The following LINGO1 variants were observed in gnomAD, a reference collection of about 807,000 sequenced individuals.
LINGO1 encodes the protein leucine rich repeat and Ig domain containing 1, also known as leucine-rich repeat and immunoglobulin-like domain-containing nogo receptor-interacting protein 1.
A neutral mutation model predicts 37.3 loss-of-function variants in LINGO1; 11 were observed. That is an observed-to-expected ratio of 0.29 (90% CI 0.19 to 0.49). The LOEUF (loss-of-function observed/expected upper bound fraction) is 0.49, where lower values mean the gene tolerates loss of function less well. LINGO1 is among the 20% of genes least tolerant of loss of function. The pLI, the probability that LINGO1 is intolerant of heterozygous loss-of-function variation, is 0.99. For synonymous variants in LINGO1, 387 were observed against 403.0 expected (o/e 0.96, Z 0.48); for missense variants, 585 against 878.2 (o/e 0.67, Z 4.22).
chr15:77,686,882 A>C (rs556199185), intron 2 of LINGO1, among the ~76,000 whole-genome samples: 17 of 152,268 alleles, frequency 1.1e-4, no homozygotes, highest in Non-Finnish European at 2.2e-4. Flanking sequence ...TTGTGCCCCC[A>C]CTAGCCCTGT....
intron 1 of LINGO1, among the ~76,000 whole-genome samples, chr15:77,761,937 G>T (rs2076481565): frequency 1.3e-5 from 2 of 152,242 alleles, no homozygotes; most frequent in African/African-American, 2.4e-5. Flanking sequence ...GATGGAGTGA[G>T]GCCGGGATGT....
At chr15:77,699,743 C>CTAACTGTGATCT (rs56950589), upstream of LINGO1, among the ~76,000 whole-genome samples, 3 of 362 alleles carry the variant, frequency 8.3e-3, no homozygotes, top group Non-Finnish European at 0.013. Flanking sequence ...CTAACCATCA[C>CTAACTGTGATCT]CTGCACACAG....
intron 3 of LINGO1, among the ~76,000 whole-genome samples, chr15:77,657,141 G>T (rs2074883195): frequency 6.6e-6 from 1 of 152,216 alleles, no homozygotes; most frequent in Admixed American, 6.5e-5. Flanking sequence ...CTGGAGGGAT[G>T]GCAGCTGAGG....
At position 77,632,463 on chromosome 15, in the gene LINGO1, G is replaced by T; in HGVS notation, c.-148C>A. On this transcript the variant is annotated 5_prime_UTR_variant, in exon 1 of 2. Coordinates refer to ENST00000355300, the MANE Select transcript of LINGO1 (RefSeq NM_032808.7). The surrounding 1 kb of genome is among the most constrained non-coding windows in gnomAD (Gnocchi z 6.0). Reference sequence around the variant, plus strand: ...CCGGCAGTCCGCGCGCCCTCGCGGGGCTGGCTGTCCGTCTGTCCGCCCCGC... The same window carrying T: ...CCGGCAGTCCGCGCGCCCTCGCGGGTCTGGCTGTCCGTCTGTCCGCCCCGC... 1 of 845,390 alleles carries T rather than the reference G, an allele frequency of 1.2e-6. No homozygotes were observed. The highest frequency in any genetic ancestry group is 1.6e-6 in the Non-Finnish European group (1 of 639,088). The allele number at this position is 845,390 out of a possible 1,614,324, so 52.4% of individuals were successfully genotyped here. A position where few individuals can be genotyped will look rare whatever the true frequency, so the allele number is the denominator to read the frequency against.
chr15:77,634,847 C>T (rs1567475271), upstream of LINGO1, among the ~76,000 whole-genome samples: 1 of 152,088 alleles, frequency 6.6e-6, no homozygotes, highest in Non-Finnish European at 1.5e-5. Flanking sequence ...GGAATAGACG[C>T]TCGCTGGCTC....
chr15:77,657,686 C>A (rs1390497091), intron 3 of LINGO1, among the ~76,000 whole-genome samples: 1 of 152,066 alleles, frequency 6.6e-6, no homozygotes, highest in Non-Finnish European at 1.5e-5. Context: ...CTCTGAAGGG[C>A]CCAAGCTGCT....
At chr15:77,691,118 G>A (rs573252015) in intron 1 of LINGO1, among the ~76,000 whole-genome samples, 5 of 152,272 alleles carry the variant, frequency 3.3e-5, no homozygotes, top group South Asian at 2.1e-4. Flanking sequence ...AGTCATATGC[G>A]GATATTGCAA....
chr15:77,732,376 T>A lies in LINGO1; in HGVS notation c.-195+2616A>T, dbSNP rs550279417. 3.3e-5 allele frequency among the ~76,000 whole-genome samples: 5 copies of A among 152,348 alleles called. No homozygotes were observed. In the East Asian group the frequency reaches 9.6e-4, roughly 29 times the overall value. ...AAGTTCCCAAGTATAGGATGTTGTTTAGGGAACTGGCCTAACACCCACCCC... is the reference window on the plus strand; with the variant it reads ...AAGTTCCCAAGTATAGGATGTTGTTAAGGGAACTGGCCTAACACCCACCCC... On this transcript the variant is annotated intron_variant, in intron 2 of 3. Coordinates refer to the LINGO1 transcript ENST00000561686.
chr15:77,782,217 AC>A lies in LINGO1; in HGVS notation c.-257+4651del, dbSNP rs2076725873. 2.5e-4 allele frequency among the ~76,000 whole-genome samples: 5 copies of A among 20,126 alleles called. No individual in the cohort carries two copies. In the South Asian group the frequency reaches 8.5e-3, roughly 34 times the overall value. 13.2% of individuals were successfully genotyped at this position (20,126 alleles called of 152,430 possible). On this transcript the variant is annotated intron_variant, in intron 1 of 3. Transcript: ENST00000561686. ...TGCTCAAGTGTGCGCACGCGTACAC[AC>A]ACACACACACACACACACACACACA...
intron 1 of LINGO1, among the ~76,000 whole-genome samples, chr15:77,781,309 C>T (rs1285323995): frequency 6.6e-6 from 1 of 152,192 alleles, no homozygotes; most frequent in South Asian, 2.1e-4. Context: ...AGCCAGGAAT[C>T]AATGTGCAAA....
chr15:77,708,845 C>T (rs1164036834), intron 2 of LINGO1, among the ~76,000 whole-genome samples: 2 of 152,144 alleles, frequency 1.3e-5, no homozygotes, highest in African/African-American at 4.8e-5. Context: ...ACCCAGGAGG[C>T]GGAGGTTGCA....
chr15:77,626,843 G>A (rs2074103651), intron 1 of LINGO1, among the ~76,000 whole-genome samples: 1 of 151,630 alleles, frequency 6.6e-6, no homozygotes, highest in Non-Finnish European at 1.5e-5. Flanking sequence ...CATGGATCAA[G>A]GCTACTGCAG....
chr15:77,620,785 G>A (rs371508503), intron 1 of LINGO1, among the ~76,000 whole-genome samples: 2 of 152,190 alleles, frequency 1.3e-5, no homozygotes, highest in African/African-American at 2.4e-5. Context: ...CCTTCCTTGG[G>A]GCATCACATT....
At chr15:77,627,079 A>G (rs1424652472) in intron 1 of LINGO1, among the ~76,000 whole-genome samples, 1 of 151,764 alleles carries the variant, frequency 6.6e-6, no homozygotes, top group African/African-American at 2.4e-5. Context: ...GAGGTGGCAG[A>G]GAGAGATTAA....
intron 2 of LINGO1, among the ~76,000 whole-genome samples, chr15:77,721,366 C>T (rs2076048290): frequency 2.0e-5 from 3 of 152,142 alleles, no homozygotes; most frequent in Admixed American, 2.0e-4. Context: ...GCCTCCCACC[C>T]TCTCGGCTCA....
intron 1 of LINGO1, among the ~76,000 whole-genome samples, chr15:77,744,867 G>A (rs901325802): frequency 3.9e-5 from 6 of 152,060 alleles, no homozygotes; most frequent in South Asian, 2.1e-4. Flanking sequence ...TGTAATCCCA[G>A]CACTTTGGGA....
At position 77,630,255 on chromosome 15, in the gene LINGO1, G is replaced by A. The variant is rs1382362342; in HGVS notation, c.6+2055C>T. Among the ~76,000 whole-genome samples the A allele has an allele frequency of 5.3e-5, 8 of 151,916 alleles. 1 individual carries two copies. The South Asian group carries it at 1.0e-3, about 20-fold the overall frequency. On this transcript the variant is annotated intron_variant, in intron 1 of 1. Coordinates refer to ENST00000355300, the MANE Select transcript of LINGO1 (RefSeq NM_032808.7). ...CTCATGCCTCCGTGGGACCCTGCACGAATGACTGCACTGCCTTATCTCCCA... is the reference window on the plus strand; with the variant it reads ...CTCATGCCTCCGTGGGACCCTGCACAAATGACTGCACTGCCTTATCTCCCA...
chr15:77,761,946 G>A (rs1438507831), intron 1 of LINGO1, among the ~76,000 whole-genome samples: 2 of 152,122 alleles, frequency 1.3e-5, no homozygotes, highest in Non-Finnish European at 2.9e-5. Context: ...AGGCCGGGAT[G>A]TGATGTGCAA....
At chr15:77,765,414 C>CA (rs770527152) in intron 1 of LINGO1, among the ~76,000 whole-genome samples, 3,440 of 108,176 alleles carry the variant, frequency 0.032, 89 homozygotes, top group African/African-American at 0.084. Context: ...GACTGTGTCT[C>CA]AAAAAAAAAA....
Sources: gnomAD v4.1 joint callset for allele counts (sites outside exome capture counted in the v4.1 genomes callset) on GRCh38, gnomAD v4.1.1 for gene constraint, Gnocchi (gnomAD v3.1) non-coding constraint, MANE v1.5 for transcripts, NCBI Gene and HGNC (gene_info 2026-07-23, HGNC 2026-07-21) for gene names.